NRP1: variants seen among roughly 807,000 people sequenced by gnomAD.
NRP1 encodes the protein neuropilin 1.
In NRP1, 35 loss-of-function variants were observed where a neutral mutation model predicts 106.7. That is an observed-to-expected ratio of 0.33 (90% CI 0.25 to 0.43). The LOEUF (loss-of-function observed/expected upper bound fraction) is 0.43, where lower values mean the gene tolerates loss of function less well. NRP1 is among the 20% of genes least tolerant of loss of function. The probability of loss-of-function intolerance (pLI) is 1.00; values close to 1 mark genes in which losing one functional copy is unlikely to be tolerated. For synonymous variants in NRP1, 437 were observed against 417.9 expected (o/e 1.05, Z -0.56); for missense variants, 1,024 against 1,170.4 (o/e 0.87, Z 1.83).
rs1283949637 is a variant in NRP1 at position 33,263,380 on chromosome 10, CACA to C, written c.658+263_658+265del. Among the ~76,000 whole-genome samples, 324 of 152,270 alleles carry C rather than the reference CACA, an allele frequency of 2.1e-3. 2 individuals carry two copies. Among genetic ancestry groups the C allele is most frequent in the African/African-American group, 7.1e-3 (297 of 41,556 alleles). ...AACTATGTGTTTGTCTCAATTATAT[CACA>C]AAAATAGCTAAAAGAACCTTTTGTA... On this transcript the variant is annotated intron_variant, in intron 4 of 16. Transcript: ENST00000374867.
At chr10:33,239,343 T>C (rs56242597) in intron 6 of NRP1, among the ~76,000 whole-genome samples, 24,039 of 152,114 alleles carry the variant, frequency 0.16, 2,112 homozygotes, top group Middle Eastern at 0.25. Context: ...TCACATATAG[T>C]GCCTAATTCT....
At chr10:33,225,489 T>C (rs754153726) in intron 7 of NRP1, among the ~76,000 whole-genome samples, 2 of 152,214 alleles carry the variant, frequency 1.3e-5, no homozygotes, top group Non-Finnish European at 2.9e-5. Context: ...AGAGCAAGTG[T>C]AACTTCAAAT....
chr10:33,326,019 C>A (rs1383097514), intron 2 of NRP1, among the ~76,000 whole-genome samples: 3 of 152,294 alleles, frequency 2.0e-5, no homozygotes, highest in Admixed American at 6.5e-5. Context: ...GCTTTGCATT[C>A]ATTTCCTTAA....
At chr10:33,307,183 A>G (rs1347715289) in intron 2 of NRP1, among the ~76,000 whole-genome samples, 1 of 152,236 alleles carries the variant, frequency 6.6e-6, no homozygotes, top group Non-Finnish European at 1.5e-5. Flanking sequence ...ATGCCTCCCA[A>G]TTCTTGACAG....
chr10:33,282,933 A>G (rs1260754438), intron 2 of NRP1, among the ~76,000 whole-genome samples: 1 of 152,106 alleles, frequency 6.6e-6, no homozygotes, highest in Admixed American at 6.5e-5. Flanking sequence ...TTCAGTAGAG[A>G]CAGGGTTTCA....
intron 12 of NRP1, 102 bp downstream of exon 12, chr10:33,197,548 T>A: frequency 1.2e-6 from 1 of 807,138 alleles, no homozygotes; most frequent in South Asian, 2.2e-5. Flanking sequence ...CTGTGTGGCA[T>A]CTCTCCTTCT....
chr10:33,331,002 T>TA, intron 1 of NRP1, 120 bp from the exon 2 acceptor site: 1 of 779,398 alleles, frequency 1.3e-6, no homozygotes, highest in Non-Finnish European at 2.0e-6. Context: ...CTCTAAAAGG[T>TA]CCCCGTAAGT....
chr10:33,289,624 A>G (rs1844841531), intron 2 of NRP1, among the ~76,000 whole-genome samples: 1 of 152,202 alleles, frequency 6.6e-6, no homozygotes, highest in Non-Finnish European at 1.5e-5. Flanking sequence ...CTCCACATCA[A>G]GTCTCAATCC....
intron 2 of NRP1, among the ~76,000 whole-genome samples, chr10:33,298,942 C>T (rs12573233): frequency 0.11 from 16,116 of 152,190 alleles, 1,049 homozygotes; most frequent in Non-Finnish European, 0.14. Context: ...GCTATTACTA[C>T]TTCTACCTAC....
At chr10:33,279,297 G>A (rs1230513915) in intron 2 of NRP1, among the ~76,000 whole-genome samples, 2 of 152,168 alleles carry the variant, frequency 1.3e-5, no homozygotes, top group South Asian at 2.1e-4. Context: ...GGCAGAAATC[G>A]AGGTGTTGGC....
intron 11 of NRP1, among the ~76,000 whole-genome samples, chr10:33,198,914 A>G (rs752962393): frequency 6.6e-6 from 1 of 152,132 alleles, no homozygotes; most frequent in Non-Finnish European, 1.5e-5. Flanking sequence ...AGACTGAACA[A>G]ATAACACCCT....
intron 2 of NRP1, among the ~76,000 whole-genome samples, chr10:33,313,564 T>C (rs117766772): frequency 0.011 from 1,645 of 152,312 alleles, 11 homozygotes; most frequent in Middle Eastern, 0.024. Context: ...GGATTTTTTC[T>C]GGAGAATTAG....
At chr10:33,319,443 A>G (rs1412792196) in intron 2 of NRP1, among the ~76,000 whole-genome samples, 1 of 152,108 alleles carries the variant, frequency 6.6e-6, no homozygotes, top group East Asian at 1.9e-4. Flanking sequence ...GGGACAAACA[A>G]GGGAATAAAA....
At position 33,177,970 on chromosome 10, in the gene NRP1, T is replaced by C. The variant is rs1038937195; in HGVS notation, c.*2106A>G. The C allele has an allele frequency of 6.6e-6, 1 of 152,648 alleles. No homozygotes were observed. The highest frequency in any genetic ancestry group is 2.4e-5 in the African/African-American group (1 of 41,454). 9.5% of individuals were successfully genotyped at this position (152,648 alleles called of 1,614,324 possible). ...TACTTTAAATTTTAAAGTTGCAGTA[T>C]CATTTTTCCTTGGCTGAGGACAACT... On this transcript the variant is annotated 3_prime_UTR_variant, in exon 17 of 17. Transcript: ENST00000374867.
At chr10:33,260,925 T>A (rs1429972287) in intron 4 of NRP1, among the ~76,000 whole-genome samples, 1 of 144,742 alleles carries the variant, frequency 6.9e-6, no homozygotes, top group African/African-American at 2.6e-5. Flanking sequence ...AGCAATCTTG[T>A]TGGCAGAGGA....
At chr10:33,287,521 T>C (rs1298179583) in intron 2 of NRP1, among the ~76,000 whole-genome samples, 1 of 152,198 alleles carries the variant, frequency 6.6e-6, no homozygotes, top group African/African-American at 2.4e-5. Context: ...GTTTTATGCT[T>C]GTCATTATTT....
chr10:33,230,041 C>T (rs1839981435), intron 6 of NRP1, among the ~76,000 whole-genome samples: 1 of 152,146 alleles, frequency 6.6e-6, no homozygotes, highest in Non-Finnish European at 1.5e-5. Context: ...ACCACTGCAA[C>T]TAAAACCGGA....
rs749431318 is a variant in NRP1 at position 33,263,908 on chromosome 10, A to G, written c.431-35T>C. The G allele has an allele frequency of 5.8e-6, 8 of 1,374,084 alleles. No homozygotes were observed. In the African/African-American group the frequency reaches 1.0e-4, roughly 17 times the overall value. The allele number at this position is 1,374,084 out of a possible 1,614,324, so 85.1% of individuals were successfully genotyped here. A position where few individuals can be genotyped will look rare whatever the true frequency, so the allele number is the denominator to read the frequency against. ...GAAGAGAAAAAGGAGTAAAGTGAAA[A>G]TCCCACTTAAACAACTTCCCCAAGA... On this transcript the variant is annotated intron_variant, in intron 3 of 16. Transcript: ENST00000374867.
intron 12 of NRP1, among the ~76,000 whole-genome samples, chr10:33,197,024 C>G (rs113780476): frequency 0.011 from 1,653 of 152,252 alleles, 11 homozygotes; most frequent in Non-Finnish European, 0.019. Context: ...TAACAAAACA[C>G]AAAGGCCAGT....
Sources: gnomAD v4.1 joint callset for allele counts (sites outside exome capture counted in the v4.1 genomes callset) on GRCh38, gnomAD v4.1.1 for gene constraint, MANE v1.5 for transcripts, NCBI Gene and HGNC (gene_info 2026-07-23, HGNC 2026-07-21) for gene names.